The following NRXN1 variants were observed in gnomAD, a reference collection of about 807,000 sequenced individuals.
NRXN1 encodes the protein neurexin-1.
Under a neutral mutation model 150.9 loss-of-function variants are expected in NRXN1, and 39 were observed. That is an observed-to-expected ratio of 0.26 (90% CI 0.20 to 0.34). The LOEUF (loss-of-function observed/expected upper bound fraction) is 0.34, where lower values mean the gene tolerates loss of function less well. Ranked by LOEUF, NRXN1 falls within the 10% of genes least tolerant of loss-of-function variation. The probability of loss-of-function intolerance (pLI) is 1.00; values close to 1 mark genes in which losing one functional copy is unlikely to be tolerated. For missense variants in NRXN1, 1,815 were observed against 1,949.9 expected (o/e 0.93, Z 1.30); for synonymous variants, 924 against 757.0 (o/e 1.22, Z -3.62).
chr2:50,637,194 T>C (rs1270654785), intron 5 of NRXN1, among the ~76,000 whole-genome samples: 2 of 152,186 alleles, frequency 1.3e-5, no homozygotes, highest in African/African-American at 2.4e-5. Context: ...AGATCTTTAA[T>C]ATAAATTATG....
chr2:50,036,072 A>G (rs1689984004), intron 21 of NRXN1, among the ~76,000 whole-genome samples: 1 of 152,190 alleles, frequency 6.6e-6, no homozygotes. Flanking sequence ...AATAGCCAGT[A>G]TGATATGGCT....
chr2:50,694,021 G>A lies in NRXN1; in HGVS notation c.833-70406C>T, dbSNP rs1001318642. 3.3e-5 allele frequency among the ~76,000 whole-genome samples: 5 copies of A among 151,844 alleles called. 1 individual carries two copies. The highest frequency in any genetic ancestry group is 1.3e-4 in the Admixed American group (2 of 15,250). On this transcript the variant is annotated intron_variant, in intron 5 of 22. Transcript: ENST00000401669. ...CTGTCCAGGATGGTCTCAAACTCCCGGCCTCAAGGGATTCTCTTGCCTTGG... is the reference window on the plus strand; with the variant it reads ...CTGTCCAGGATGGTCTCAAACTCCCAGCCTCAAGGGATTCTCTTGCCTTGG...
At chr2:50,185,862 T>C (rs1488116634) in intron 18 of NRXN1, among the ~76,000 whole-genome samples, 2 of 152,100 alleles carry the variant, frequency 1.3e-5, no homozygotes, top group East Asian at 1.9e-4. Flanking sequence ...GGTCACTCTT[T>C]TAAACTTCAA....
At chr2:50,828,549 C>T (rs1176727667) in intron 5 of NRXN1, among the ~76,000 whole-genome samples, 24 of 151,100 alleles carry the variant, frequency 1.6e-4, no homozygotes, top group Admixed American at 1.4e-3. Flanking sequence ...ACCTCCCAGA[C>T]GGGGTCGCGG....
intron 5 of NRXN1, among the ~76,000 whole-genome samples, chr2:50,634,229 A>G (rs1370358020): frequency 1.3e-5 from 2 of 152,234 alleles, no homozygotes; most frequent in Admixed American, 6.5e-5. Flanking sequence ...AACTCTGTCT[A>G]TTGTGTGGAA....
intron 5 of NRXN1, among the ~76,000 whole-genome samples, chr2:50,663,104 G>A (rs1412749773): frequency 6.6e-6 from 1 of 152,004 alleles, no homozygotes; most frequent in Non-Finnish European, 1.5e-5. Context: ...ACATGTCCAA[G>A]ACATCTTCAT....
chr2:50,292,317 A>G, intron 17 of NRXN1, among the ~76,000 whole-genome samples: 1 of 152,182 alleles, frequency 6.6e-6, no homozygotes, highest in East Asian at 1.9e-4. Flanking sequence ...CTGTTTTTGT[A>G]GTATAACAGG....
intron 5 of NRXN1, among the ~76,000 whole-genome samples, chr2:50,813,607 T>C (rs939360936): frequency 2.0e-5 from 3 of 152,164 alleles, no homozygotes; most frequent in Non-Finnish European, 4.4e-5. Context: ...AATACTCAGG[T>C]TACACAAAAG....
intron 18 of NRXN1, among the ~76,000 whole-genome samples, chr2:50,192,740 G>A (rs976615437): frequency 6.6e-6 from 1 of 152,062 alleles, no homozygotes; most frequent in Non-Finnish European, 1.5e-5. Context: ...CTGAGTAGCT[G>A]GGATTACAGA....
intron 17 of NRXN1, among the ~76,000 whole-genome samples, chr2:50,262,065 GA>G (rs2068345652): frequency 1.3e-5 from 2 of 151,872 alleles, no homozygotes; most frequent in Non-Finnish European, 2.9e-5. Flanking sequence ...CACTGAGCAT[GA>G]AGTAGAAAGT....
chr2:50,250,377 T>C (rs1403108083), intron 17 of NRXN1, among the ~76,000 whole-genome samples: 1 of 152,070 alleles, frequency 6.6e-6, no homozygotes, highest in Non-Finnish European at 1.5e-5. Context: ...GGCACAAAAT[T>C]TGGTTTTCAG....
chr2:50,496,656 C>G (rs1435699039), intron 14 of NRXN1, among the ~76,000 whole-genome samples: 1 of 152,110 alleles, frequency 6.6e-6, no homozygotes, highest in African/African-American at 2.4e-5. Context: ...CATCTACAAA[C>G]CCTAGGATTG....
chr2:50,875,990 G>A (rs1482486320), intron 5 of NRXN1, among the ~76,000 whole-genome samples: 1 of 151,902 alleles, frequency 6.6e-6, no homozygotes, highest in Non-Finnish European at 1.5e-5. Context: ...ATTCCATGTT[G>A]TTTATTAGAC....
intron 17 of NRXN1, among the ~76,000 whole-genome samples, chr2:50,289,039 G>T (rs947861753): frequency 5.9e-5 from 9 of 152,100 alleles, no homozygotes; most frequent in African/African-American, 2.2e-4. Context: ...TGCTTTTGAT[G>T]ACCTAGTAGC....
intron 21 of NRXN1, among the ~76,000 whole-genome samples, chr2:49,961,685 C>T (rs1675986268): frequency 1.3e-5 from 2 of 152,060 alleles, no homozygotes; most frequent in East Asian, 1.9e-4. Flanking sequence ...CTTTACATCT[C>T]TAATTTCTGT....
intron 5 of NRXN1, among the ~76,000 whole-genome samples, chr2:50,742,971 G>C (rs566048940): frequency 6.6e-6 from 1 of 152,196 alleles, no homozygotes; most frequent in Non-Finnish European, 1.5e-5. Flanking sequence ...AAGAGACAAT[G>C]TTCAAGGTCA....
chr2:50,050,167 T>TTTTC (rs1477033958), intron 21 of NRXN1, among the ~76,000 whole-genome samples: 1 of 151,358 alleles, frequency 6.6e-6, no homozygotes, highest in African/African-American at 2.4e-5. Flanking sequence ...TTCTTTTTTT[T>TTTTC]TTTTTTACTT....
intron 8 of NRXN1, among the ~76,000 whole-genome samples, chr2:50,608,378 G>C (rs988501043): frequency 1.3e-5 from 2 of 152,054 alleles, no homozygotes; most frequent in African/African-American, 4.8e-5. Context: ...TCATGGGAAG[G>C]GGCATGAGTC....
chr2:50,298,297 T>C (rs1273379209), intron 17 of NRXN1, among the ~76,000 whole-genome samples: 1 of 152,150 alleles, frequency 6.6e-6, no homozygotes, highest in African/African-American at 2.4e-5. Context: ...AATAGAAATA[T>C]GAATAGTTCA....
Sources: allele counts gnomAD v4.1 joint callset (sites outside exome capture counted in the v4.1 genomes callset), GRCh38; gene constraint gnomAD v4.1.1; transcripts MANE v1.5; gene names NCBI Gene and HGNC (gene_info 2026-07-23, HGNC 2026-07-21).